Variants in GPC6 observed in about 807,000 individuals in gnomAD.
The protein encoded by GPC6 is glypican-6.
GPC6 carries 14 observed loss-of-function variants against 55.2 expected under a neutral mutation model. The ratio of observed to expected loss-of-function variants is 0.25; its 90% CI spans 0.17 to 0.40. The LOEUF is 0.40. Ranked by LOEUF, GPC6 falls within the 10% of genes least tolerant of loss-of-function variation. The pLI is 1.00. For missense variants in GPC6, 641 were observed against 708.5 expected, an observed-to-expected ratio of 0.90 and a Z score of 1.08; for synonymous variants, 278 against 259.6, an observed-to-expected ratio of 1.07 and a Z score of -0.68.
chr13:94,077,614 A>G (rs1884962324), intron 4 of GPC6, among the ~76,000 whole-genome samples: 1 of 151,794 alleles, frequency 6.6e-6, no homozygotes, highest in African/African-American at 2.4e-5. Context: ...CTTGTTATAT[A>G]TGGCCTTTAT....
At chr13:93,916,502 T>G (rs1280341494) in intron 3 of GPC6, among the ~76,000 whole-genome samples, 2 of 152,242 alleles carry the variant, frequency 1.3e-5, no homozygotes, top group Non-Finnish European at 2.9e-5. Context: ...TCCCCCAAAC[T>G]CCAACATTTT....
At position 93,472,393 on chromosome 13, in the gene GPC6, G is replaced by A. The variant is rs866043082; in HGVS notation, c.161-72870G>A. ...ACTGTAAGTCATGGAGGTGTGGAGT[G>A]GTGAGGGGTGTGTGAGCAAGTGTGG... On this transcript the variant is annotated intron_variant, in intron 1 of 8. Transcript: ENST00000377047. Among the ~76,000 whole-genome samples, 7 of 152,292 alleles carry A rather than the reference G, an allele frequency of 4.6e-5. No homozygotes were observed. The South Asian group carries it at 1.5e-3, about 32-fold the overall frequency.
chr13:94,127,798 G>A (rs1401480603), intron 4 of GPC6, among the ~76,000 whole-genome samples: 1 of 152,120 alleles, frequency 6.6e-6, no homozygotes. Context: ...AGTGTTACCA[G>A]GTCAGAAAAT....
At chr13:93,586,123 C>A (rs1877187782) in intron 2 of GPC6, among the ~76,000 whole-genome samples, 1 of 152,062 alleles carries the variant, frequency 6.6e-6, no homozygotes, top group South Asian at 2.1e-4. Context: ...GATCTTTACC[C>A]TCCAAAAGGC....
At chr13:94,272,660 G>A (rs904154572) in intron 4 of GPC6, among the ~76,000 whole-genome samples, 2 of 151,650 alleles carry the variant, frequency 1.3e-5, no homozygotes, top group African/African-American at 4.8e-5. Flanking sequence ...GGTAGAGACA[G>A]GGTTTCACCG....
intron 6 of GPC6, among the ~76,000 whole-genome samples, chr13:94,374,143 G>C (rs927884822): frequency 2.0e-5 from 3 of 151,350 alleles, no homozygotes; most frequent in Admixed American, 2.0e-4. Flanking sequence ...AGACTAGGAA[G>C]AAACTGCATC....
At chr13:93,353,286 T>A (rs1391124435) in intron 1 of GPC6, among the ~76,000 whole-genome samples, 1 of 152,208 alleles carries the variant, frequency 6.6e-6, no homozygotes, top group Non-Finnish European at 1.5e-5. Context: ...TGCCTTCACC[T>A]GGAGGAGTAG....
At chr13:94,363,828 G>A (rs1594207740) in intron 6 of GPC6, among the ~76,000 whole-genome samples, 1 of 152,294 alleles carries the variant, frequency 6.6e-6, no homozygotes, top group South Asian at 2.1e-4. Flanking sequence ...TGTGACTATT[G>A]AGCAATGGAG....
chr13:93,637,355 A>C (rs1478993577), intron 2 of GPC6, among the ~76,000 whole-genome samples: 1 of 152,098 alleles, frequency 6.6e-6, no homozygotes, highest in East Asian at 1.9e-4. Flanking sequence ...GCAATCTTTT[A>C]AGGTAATTGC....
At chr13:93,529,602 A>C (rs138654961) in intron 1 of GPC6, among the ~76,000 whole-genome samples, 8,460 of 128,580 alleles carry the variant, frequency 0.066, 799 homozygotes, top group African/African-American at 0.23. Context: ...TGCAACCTCC[A>C]CCTCCCTGGT....
In GPC6 at chr13:93,564,123, TG is replaced by T. The variant is rs1304081668; in HGVS notation, c.319+18704del. ...TTTATACTTTAACTCATAAAGGAAA[TG>T]GTATAATACATGATAACGTTTCCAT... On this transcript the variant is annotated intron_variant, in intron 2 of 8. Coordinates refer to ENST00000377047, the MANE Select transcript of GPC6 (RefSeq NM_005708.5). 2.0e-5 allele frequency among the ~76,000 whole-genome samples: 3 copies of T among 152,096 alleles called. No individual in the cohort carries two copies. In the East Asian group the frequency reaches 5.8e-4, roughly 29 times the overall value.
At chr13:93,477,064 T>C (rs1223068563) in intron 1 of GPC6, among the ~76,000 whole-genome samples, 1 of 152,156 alleles carries the variant, frequency 6.6e-6, no homozygotes. Context: ...AGGAAAGTTT[T>C]GATGAAAAAC....
chr13:93,527,287 A>G (rs536668527), intron 1 of GPC6, among the ~76,000 whole-genome samples: 140 of 152,148 alleles, frequency 9.2e-4, no homozygotes, highest in African/African-American at 3.1e-3. Context: ...ATTATTACCT[A>G]TAGTCTCCAT....
chr13:93,446,604 C>T (rs186478227), intron 1 of GPC6, among the ~76,000 whole-genome samples: 37 of 152,214 alleles, frequency 2.4e-4, no homozygotes, highest in African/African-American at 7.2e-4. Flanking sequence ...ATGACTACAA[C>T]CCGTTTTCTT....
At chr13:94,205,010 T>G (rs1889860936) in intron 4 of GPC6, among the ~76,000 whole-genome samples, 1 of 152,166 alleles carries the variant, frequency 6.6e-6, no homozygotes, top group African/African-American at 2.4e-5. Context: ...ATCAATCAAA[T>G]AATAATCTTT....
intron 1 of GPC6, among the ~76,000 whole-genome samples, chr13:93,461,539 G>A (rs1878688877): frequency 6.6e-6 from 1 of 152,098 alleles, no homozygotes; most frequent in Non-Finnish European, 1.5e-5. Context: ...ACATAGTAGA[G>A]TCCATCTACC....
intron 5 of GPC6, among the ~76,000 whole-genome samples, chr13:94,299,099 C>G (rs1444555192): frequency 6.6e-6 from 1 of 152,168 alleles, no homozygotes; most frequent in Non-Finnish European, 1.5e-5. Flanking sequence ...CCTACAGATA[C>G]TGGGATACAG....
chr13:94,331,105 G>A (rs1231554387), intron 6 of GPC6, among the ~76,000 whole-genome samples: 1 of 152,092 alleles, frequency 6.6e-6, no homozygotes, highest in African/African-American at 2.4e-5. Context: ...TGATTTTTAG[G>A]ATGGGGACTA....
chr13:93,248,743 G>T (rs565119235), intron 1 of GPC6, among the ~76,000 whole-genome samples: 2 of 152,164 alleles, frequency 1.3e-5, no homozygotes, highest in Non-Finnish European at 2.9e-5. Context: ...GCTGCACAGC[G>T]CCAGCCTGTA....
Sources: allele counts gnomAD v4.1 joint callset (sites outside exome capture counted in the v4.1 genomes callset), GRCh38; gene constraint gnomAD v4.1.1; transcripts MANE v1.5; gene names NCBI Gene and HGNC (gene_info 2026-07-23, HGNC 2026-07-21).